The following PRKRIP1 variants were observed in gnomAD, a reference collection of about 807,000 sequenced individuals.
PRKRIP1 encodes the protein PRKR interacting protein 1, also known as PRKR-interacting protein 1.
A neutral mutation model predicts 29.3 loss-of-function variants in PRKRIP1; 29 were observed. That is an observed-to-expected ratio of 0.99 (90% CI 0.74 to 1.35). The LOEUF (loss-of-function observed/expected upper bound fraction) is 1.35, where lower values mean the gene tolerates loss of function less well. Ranked by LOEUF, PRKRIP1 falls within the 40% of genes most tolerant of loss-of-function variation. The probability of loss-of-function intolerance (pLI) is 0.00; values close to 1 mark genes in which losing one functional copy is unlikely to be tolerated. For synonymous variants in PRKRIP1, 90 were observed against 85.1 expected, an observed-to-expected ratio of 1.06 and a Z score of -0.32; for missense variants, 247 against 236.8, an observed-to-expected ratio of 1.04 and a Z score of -0.28.
In PRKRIP1 at chr7:102,410,771, T is replaced by C. The variant is rs750083923; in HGVS notation, c.457+3273T>C. Among the ~76,000 whole-genome samples the C allele has an allele frequency of 3.5e-4, 54 of 152,378 alleles. 1 individual carries two copies. Among genetic ancestry groups the C allele is most frequent in the Non-Finnish European group, 2.4e-4 (16 of 68,046 alleles). On this transcript the variant is annotated intron_variant, in intron 5 of 5. Coordinates refer to ENST00000397912, the MANE Select transcript of PRKRIP1 (RefSeq NM_024653.4). Reference sequence around the variant, plus strand: ...ATTTTTGGAGGCCCTTACTCTTCCATTCATCCCTTTAGATTTTAACTTTCA... The same window carrying C: ...ATTTTTGGAGGCCCTTACTCTTCCACTCATCCCTTTAGATTTTAACTTTCA...
At chr7:102,403,988 G>A (rs1468137780) in intron 3 of PRKRIP1, among the ~76,000 whole-genome samples, 2 of 152,124 alleles carry the variant, frequency 1.3e-5, no homozygotes, top group African/African-American at 4.8e-5. Flanking sequence ...AACATAGCCA[G>A]ACCTGTCTCT....
At chr7:102,423,624 G>A (rs1241383714) in intron 5 of PRKRIP1, among the ~76,000 whole-genome samples, 2 of 152,046 alleles carry the variant, frequency 1.3e-5, no homozygotes, top group African/African-American at 4.8e-5. Context: ...GGTACTCTAT[G>A]TACAGACTTA....
intron 5 of PRKRIP1, among the ~76,000 whole-genome samples, chr7:102,422,138 C>A (rs1336489757): frequency 7.5e-6 from 1 of 132,684 alleles, no homozygotes; most frequent in Non-Finnish European, 1.6e-5. Context: ...GTGTTTCATA[C>A]ACAAAATTAT....
intron 5 of PRKRIP1, among the ~76,000 whole-genome samples, chr7:102,416,066 C>T (rs1464420900): frequency 6.6e-6 from 1 of 152,232 alleles, no homozygotes; most frequent in Non-Finnish European, 1.5e-5. Flanking sequence ...TTGTGTAAAG[C>T]CTCTCCTCAC....
chr7:102,423,080 G>C (rs7384395), intron 5 of PRKRIP1: 444,417 of 446,420 alleles, frequency 1, 221,240 homozygotes, highest in East Asian at 1. Context: ...AACGAGTATT[G>C]TATTCATCAG....
chr7:102,424,946 C>G, intron 5 of PRKRIP1, 68 bp from the exon 6 acceptor site: 3 of 1,522,120 alleles, frequency 2.0e-6, no homozygotes, highest in South Asian at 1.2e-5. Flanking sequence ...ATCAGCTCTC[C>G]TCTTTGAAAG....
chr7:102,415,862 T>A (rs73402391), intron 5 of PRKRIP1, among the ~76,000 whole-genome samples: 1 of 152,258 alleles, frequency 6.6e-6, no homozygotes, highest in Non-Finnish European at 1.5e-5. Context: ...CCAGTGTTCC[T>A]GGCCCTCACG....
chr7:102,396,543 A>T lies in PRKRIP1; in HGVS notation c.126+6A>T. On this transcript the variant is annotated splice_donor_region_variant and intron_variant, in intron 1 of 5. Coordinates refer to ENST00000397912, the MANE Select transcript of PRKRIP1 (RefSeq NM_024653.4). ...AGCGGCTCATGAAGAACCCGGTGAGACGAGGCCCAGGCTCCACGGCCCGTC... is the reference window on the plus strand; with the variant it reads ...AGCGGCTCATGAAGAACCCGGTGAGTCGAGGCCCAGGCTCCACGGCCCGTC... The T allele has an allele frequency of 6.2e-7, 1 of 1,605,788 alleles. No homozygotes were observed. The highest frequency in any genetic ancestry group is 8.5e-7 in the Non-Finnish European group (1 of 1,177,216).
At chr7:102,422,156 ATT>A (rs1796710719) in intron 5 of PRKRIP1, among the ~76,000 whole-genome samples, 1 of 137,006 alleles carries the variant, frequency 7.3e-6, no homozygotes, top group Non-Finnish European at 1.5e-5. Flanking sequence ...TATTATTATT[ATT>A]ATTATTATTA....
chr7:102,425,310 G>A lies in PRKRIP1; in HGVS notation c.*199G>A. On this transcript the variant is annotated 3_prime_UTR_variant, in exon 6 of 6. Coordinates refer to ENST00000397912, the MANE Select transcript of PRKRIP1 (RefSeq NM_024653.4). ...GGGGCCATCTCCCTGACACTCAGAG[G>A]CACTGCCTTGCAGACACCATCCGTG... 1 of 1,060,142 alleles carries A rather than the reference G, an allele frequency of 9.4e-7. No homozygotes were observed. Among genetic ancestry groups the A allele is most frequent in the Non-Finnish European group, 1.3e-6 (1 of 744,256 alleles). The allele number at this position is 1,060,142 out of a possible 1,614,324, so 65.7% of individuals were successfully genotyped here. A position where few individuals can be genotyped will look rare whatever the true frequency, so the allele number is the denominator to read the frequency against.
chr7:102,399,515 T>G (rs1554570912), intron 2 of PRKRIP1, 33 bp from the exon 3 acceptor site: 1 of 1,576,008 alleles, frequency 6.3e-7, no homozygotes. Flanking sequence ...GTAACTGAAT[T>G]TCATCTAGAA....
Position 102,424,825 on chromosome 7 carries a change from A to G in PRKRIP1, c.458-189A>G, listed in dbSNP as rs534460791. 3.9e-5 allele frequency among the ~76,000 whole-genome samples: 6 copies of G among 152,226 alleles called. No homozygotes were observed. In the South Asian group the frequency reaches 1.2e-3, roughly 32 times the overall value. On this transcript the variant is annotated intron_variant, in intron 5 of 5. Transcript: ENST00000397912. ...GCACCCGTGAGAGCAGTGGTAGATC[A>G]GGTCTGTGAGCCACCCTTACTCCTG...
At chr7:102,405,867 G>T in intron 4 of PRKRIP1, 1 of 295,024 alleles carries the variant, frequency 3.4e-6, no homozygotes. Context: ...TGAGAAATAA[G>T]TTTATTTCTA....
At chr7:102,410,910 T>C (rs1554572469) in intron 5 of PRKRIP1, among the ~76,000 whole-genome samples, 3 of 152,130 alleles carry the variant, frequency 2.0e-5, no homozygotes, top group African/African-American at 7.2e-5. Flanking sequence ...AGGCTACCAT[T>C]TAATTTGTTT....
At chr7:102,417,716 C>A (rs531692802) in intron 5 of PRKRIP1, among the ~76,000 whole-genome samples, 1 of 149,788 alleles carries the variant, frequency 6.7e-6, no homozygotes, top group African/African-American at 2.5e-5. Flanking sequence ...ACTCCGGGCT[C>A]AAACAATCCT....
At chr7:102,424,927 T>C in intron 5 of PRKRIP1, 87 bp from the exon 6 acceptor site, 2 of 1,389,118 alleles carry the variant, frequency 1.4e-6, no homozygotes, top group Middle Eastern at 1.9e-4. Flanking sequence ...CAGGGACTTT[T>C]GACTTCCCAT....
intron 5 of PRKRIP1, among the ~76,000 whole-genome samples, chr7:102,412,679 G>A (rs1195818704): frequency 1.3e-5 from 2 of 152,164 alleles, no homozygotes; most frequent in African/African-American, 2.4e-5. Flanking sequence ...TGGTAATACC[G>A]AGTTGCGCCC....
Position 102,396,402 on chromosome 7 carries a change from G to A in PRKRIP1, c.-10G>A. On this transcript the variant is annotated 5_prime_UTR_variant, in exon 1 of 6. Coordinates refer to ENST00000397912, the MANE Select transcript of PRKRIP1 (RefSeq NM_024653.4). ...ACGCCGCCGCTCGCTTGTGAAACTGGAAGGCTGCCATGGCTAGCCCAGCCG... is the reference window on the plus strand; with the variant it reads ...ACGCCGCCGCTCGCTTGTGAAACTGAAAGGCTGCCATGGCTAGCCCAGCCG... 4 of 1,547,028 alleles carry A rather than the reference G, an allele frequency of 2.6e-6. No homozygotes were observed. Among genetic ancestry groups the A allele is most frequent in the Non-Finnish European group, 3.5e-6 (4 of 1,153,678 alleles).
chr7:102,407,279 A>G (rs1269735000), intron 4 of PRKRIP1, among the ~76,000 whole-genome samples, 155 bp from the exon 5 acceptor site: 2 of 152,006 alleles, frequency 1.3e-5, no homozygotes, highest in Non-Finnish European at 2.9e-5. Flanking sequence ...CAAAAACGGC[A>G]ATTACTTTTG....
Sources: gnomAD v4.1 joint callset for allele counts (sites outside exome capture counted in the v4.1 genomes callset) on GRCh38, gnomAD v4.1.1 for gene constraint, MANE v1.5 for transcripts, NCBI Gene and HGNC (gene_info 2026-07-23, HGNC 2026-07-21) for gene names.